Variants in NDC1 observed in about 807,000 individuals in gnomAD.
NDC1 encodes nucleoporin NDC1.
Under a neutral mutation model 89.8 loss-of-function variants are expected in NDC1, and 24 were observed. The ratio of observed to expected loss-of-function variants is 0.27; its 90% CI spans 0.19 to 0.38. The LOEUF is 0.38. Among genes scored for constraint, NDC1 ranks in the 10% least tolerant of loss-of-function variants. The pLI is 1.00. For missense variants in NDC1, 728 were observed against 797.6 expected (o/e 0.91, Z 1.05); for synonymous variants, 296 against 284.8 (o/e 1.04, Z -0.39).
chr1:53,817,055 AG>A (rs1174630261), intron 6 of NDC1, among the ~76,000 whole-genome samples: 3 of 152,360 alleles, frequency 2.0e-5, no homozygotes, highest in African/African-American at 7.2e-5. Context: ...AATGTAAACT[AG>A]TACAGCCACT....
chr1:53,824,511 G>A (rs1377452683), intron 5 of NDC1, among the ~76,000 whole-genome samples: 13 of 152,152 alleles, frequency 8.5e-5, no homozygotes. Context: ...GTGGGAGGGA[G>A]GCTAGTTCTA....
intron 9 of NDC1, 68 bp from the exon 10 acceptor site, chr1:53,804,077 G>A: frequency 9.0e-7 from 1 of 1,110,858 alleles, no homozygotes; most frequent in Non-Finnish European, 1.3e-6. Flanking sequence ...CACTAATTGG[G>A]TTCATCATTA....
chr1:53,825,214 G>A (rs773473243), intron 5 of NDC1, among the ~76,000 whole-genome samples: 5 of 151,724 alleles, frequency 3.3e-5, no homozygotes. Context: ...GGTGGCTCAT[G>A]CCTGTAATTC....
At chr1:53,792,329 T>C (rs907445120) in intron 14 of NDC1, among the ~76,000 whole-genome samples, 6 of 152,156 alleles carry the variant, frequency 3.9e-5, no homozygotes, top group African/African-American at 1.4e-4. Context: ...CTTCCTCTAA[T>C]GGGCAGACCA....
At chr1:53,783,839 G>A (rs144810006) in intron 16 of NDC1, among the ~76,000 whole-genome samples, 7 of 152,164 alleles carry the variant, frequency 4.6e-5, no homozygotes, top group African/African-American at 7.2e-5. Context: ...CTAGGACCAC[G>A]AGCCAAATTA....
At position 53,809,700 on chromosome 1, in the gene NDC1, T is replaced by C; in HGVS notation, c.750A>G (p.Ile250Met). 1 of 1,607,818 alleles carries C rather than the reference T, an allele frequency of 6.2e-7. No individual in the cohort carries two copies. Among genetic ancestry groups the C allele is most frequent in the South Asian group, 1.1e-5 (1 of 90,720 alleles). Residue 250 changes from isoleucine to methionine, a missense_variant, in exon 7 of 18, where the codon ATA becomes ATG. Coordinates refer to ENST00000371429, the MANE Select transcript of NDC1 (RefSeq NM_018087.5). Reference protein sequence around the residue: ...AWISTAMNLHIDEQVHRPLDT... With the variant: ...AWISTAMNLHMDEQVHRPLDT... Reference sequence around the variant, plus strand: ...ACTTTTTAGGTATCACTTACTCATCTATGTGAAGGTTCATAGCAGTGCTAA... The same window carrying C: ...ACTTTTTAGGTATCACTTACTCATCCATGTGAAGGTTCATAGCAGTGCTAA...
At chr1:53,828,294 C>A in intron 3 of NDC1, 121 bp from the exon 4 acceptor site, 1 of 855,694 alleles carries the variant, frequency 1.2e-6, no homozygotes, top group Non-Finnish European at 1.7e-6. Context: ...CCACAGTCAA[C>A]GCAAATACAA....
At chr1:53,811,132 A>AC (rs1169791827) in intron 6 of NDC1, among the ~76,000 whole-genome samples, 1 of 152,124 alleles carries the variant, frequency 6.6e-6, no homozygotes, top group Non-Finnish European at 1.5e-5. Flanking sequence ...AGCTTGCTGC[A>AC]CTCCCTAGCA....
chr1:53,772,364 G>A lies in NDC1; in HGVS notation c.1926C>T (p.Ile642=), dbSNP rs770169557. 2 of 1,613,778 alleles carry A rather than the reference G, an allele frequency of 1.2e-6. No homozygotes were observed. The highest frequency in any genetic ancestry group is 1.7e-6 in the Non-Finnish European group (2 of 1,179,788). The change falls in exon 17 of 18, where the codon ATC becomes ATT. Residue 642 remains isoleucine (I), a synonymous_variant. Transcript: ENST00000371429. The part of the protein sequence containing the change: ...FAFRASLKTA[I]YRITTTFGEH... The stretch of plus-strand genomic sequence containing the variant: ...CACCAAATGTAGTAGTTATTCGATA[G>A]ATGGCAGTTTTCAGTGATGCTCTGA...
At chr1:53,794,031 A>G (rs1647613218) in intron 13 of NDC1, among the ~76,000 whole-genome samples, 1 of 151,812 alleles carries the variant, frequency 6.6e-6, no homozygotes, top group South Asian at 2.1e-4. Context: ...GCTGGAGTGC[A>G]GTGGCACATT....
intron 5 of NDC1, among the ~76,000 whole-genome samples, chr1:53,823,081 A>G (rs1648729545): frequency 6.6e-6 from 1 of 152,146 alleles, no homozygotes; most frequent in Non-Finnish European, 1.5e-5. Context: ...CCTGCCAGGC[A>G]AGACACTTAC....
At chr1:53,823,097 T>C (rs904392878) in intron 5 of NDC1, among the ~76,000 whole-genome samples, 2 of 152,172 alleles carry the variant, frequency 1.3e-5, no homozygotes, top group African/African-American at 4.8e-5. Context: ...CTTACAAACC[T>C]GATAGGCAGG....
chr1:53,773,449 T>A (rs1392255046), intron 16 of NDC1, among the ~76,000 whole-genome samples: 1 of 152,204 alleles, frequency 6.6e-6, no homozygotes. Context: ...TTTTTTGTTT[T>A]TTAGTTTCTT....
chr1:53,835,081 C>T (rs1649186991), intron 2 of NDC1, among the ~76,000 whole-genome samples: 2 of 151,764 alleles, frequency 1.3e-5, no homozygotes, highest in African/African-American at 4.8e-5. Flanking sequence ...GACTCTGTTT[C>T]AAAAAAAGAA....
chr1:53,795,764 T>C (rs1261054586), intron 13 of NDC1, among the ~76,000 whole-genome samples: 1 of 152,206 alleles, frequency 6.6e-6, no homozygotes, highest in Non-Finnish European at 1.5e-5. Context: ...TGGGCTTACA[T>C]GCCTACCTTG....
intron 3 of NDC1, among the ~76,000 whole-genome samples, chr1:53,830,987 C>G (rs1649046313): frequency 6.6e-6 from 1 of 152,016 alleles, no homozygotes; most frequent in South Asian, 2.1e-4. Flanking sequence ...TTTGGAAGGC[C>G]AAGGCAGGCC....
intron 14 of NDC1, 131 bp downstream of exon 14, chr1:53,793,098 C>G: frequency 1.3e-6 from 1 of 750,740 alleles, no homozygotes. Flanking sequence ...TTCAGTGAAG[C>G]ACTATGCAAA....
At chr1:53,789,727 A>C (rs1647421345) in intron 14 of NDC1, among the ~76,000 whole-genome samples, 1 of 150,958 alleles carries the variant, frequency 6.6e-6, no homozygotes, top group Admixed American at 6.7e-5. Flanking sequence ...TGAACCTGGG[A>C]GGCAGAGGTT....
At chr1:53,770,387 A>T (rs914655826) in intron 17 of NDC1, among the ~76,000 whole-genome samples, 1 of 151,950 alleles carries the variant, frequency 6.6e-6, no homozygotes, top group African/African-American at 2.4e-5. Flanking sequence ...GCTCACTGCA[A>T]CCTCCACTTC....
Sources: allele counts gnomAD v4.1 joint callset (sites outside exome capture counted in the v4.1 genomes callset), GRCh38; gene constraint gnomAD v4.1.1; transcripts MANE v1.5; gene names NCBI Gene and HGNC (gene_info 2026-07-23, HGNC 2026-07-21).